ZNF780A: variants seen among roughly 807,000 people sequenced by gnomAD.
ZNF780A encodes the protein zinc finger protein 780A.
Under a neutral mutation model 56.7 loss-of-function variants are expected in ZNF780A, and 40 were observed. The ratio of observed to expected loss-of-function variants is 0.71; its 90% confidence interval spans 0.55 to 0.92. The LOEUF is 0.92. Ranked by LOEUF, ZNF780A falls within the 40% of genes least tolerant of loss-of-function variation. ZNF780A has a pLI of 0.00. For missense variants in ZNF780A, 672 were observed against 783.3 expected, an observed-to-expected ratio of 0.86 and a Z score of 1.70; for synonymous variants, 231 against 248.3, an observed-to-expected ratio of 0.93 and a Z score of 0.66.
chr19:40,084,687 C>G (rs12151029), intron 3 of ZNF780A, 58 bp downstream of exon 3: 15,704 of 1,500,000 alleles, frequency 0.01, 120 homozygotes, highest in Non-Finnish European at 0.013. Context: ...TAAATAATAA[C>G]AGTCACCTAA....
intron 2 of ZNF780A, among the ~76,000 whole-genome samples, chr19:40,089,715 C>T (rs978736418): frequency 2.0e-5 from 3 of 152,052 alleles, no homozygotes; most frequent in Non-Finnish European, 4.4e-5. Context: ...TTACAAATAT[C>T]ATCTCATGGA....
rs1183448794 is a variant in ZNF780A at position 40,075,057 on chromosome 19, T to C, written c.1385A>G (p.Glu462Gly). 2 of 1,614,132 alleles carry C rather than the reference T, an allele frequency of 1.2e-6. No individual in the cohort carries two copies. The highest frequency in any genetic ancestry group is 2.2e-5 in the South Asian group (2 of 91,084). ...GTCACCAGTATGAATTCGAGAATGT[T>C]CAATAAGTTGGCAATGATATCTAAA... ...MAFRYHCQLI[E>G]HSRIHTGDKP... The change falls in exon 6 of 6, where the codon GAA becomes GGA. Residue 462 changes from glutamate to glycine, a missense_variant. Glu to Gly is a moderately conservative substitution (Grantham distance 98). Transcript: ENST00000683561.
chr19:40,085,109 C>A, intron 2 of ZNF780A: 2 of 977,084 alleles, frequency 2.0e-6, no homozygotes, highest in Non-Finnish European at 2.4e-6. Context: ...GGATACCTAT[C>A]TTGGCCTAGG....
At chr19:40,072,949 T>C (rs1177310833), downstream of ZNF780A, 2 of 1,546,880 alleles carry the variant, frequency 1.3e-6, no homozygotes, top group East Asian at 2.5e-5. Context: ...TGAATAGCTG[T>C]AAAAGATGGT....
Position 40,074,487 on chromosome 19 carries a change from G to A in ZNF780A, c.*29C>T, listed in dbSNP as rs371444051. ...TGATGTTGAACATGGTTTGAGACACGATTAAAGGACTTTCCACATTCCTTA... is the reference window on the plus strand; with the variant it reads ...TGATGTTGAACATGGTTTGAGACACAATTAAAGGACTTTCCACATTCCTTA... On this transcript the variant is annotated 3_prime_UTR_variant, in exon 6 of 6. Transcript: ENST00000683561. The A allele has an allele frequency of 9.2e-5, 148 of 1,610,328 alleles. No individual in the cohort carries two copies. Among genetic ancestry groups the A allele is most frequent in the South Asian group, 5.5e-4 (50 of 90,476 alleles).
At position 40,089,161 on chromosome 19, in the gene ZNF780A, G is replaced by A. The variant is rs1042910716; in HGVS notation, c.-46+1005C>T. On this transcript the variant is annotated intron_variant, in intron 2 of 5. Coordinates refer to ENST00000683561, the MANE Select transcript of ZNF780A (RefSeq NM_001142578.2). Reference sequence around the variant, plus strand: ...ATTCTGTAGTCTTGAAAAATGCTAGGAGGGTGGATATTAAGTGTTCTCACC... The same window carrying A: ...ATTCTGTAGTCTTGAAAAATGCTAGAAGGGTGGATATTAAGTGTTCTCACC... 20 of 1,148,558 alleles carry A rather than the reference G, an allele frequency of 1.7e-5. No individual in the cohort carries two copies. The African/African-American group carries it at 2.3e-4, about 13-fold the overall frequency. The allele number at this position is 1,148,558 out of a possible 1,614,324, so 71.1% of individuals were successfully genotyped here. A position where few individuals can be genotyped will look rare whatever the true frequency, so the allele number is the denominator to read the frequency against.
chr19:40,070,715 T>C (rs1307661130), downstream of ZNF780A: 1 of 152,232 alleles, frequency 6.6e-6, no homozygotes, highest in East Asian at 1.9e-4. Context: ...CTTTAGCAAA[T>C]ATTTTAAAGT....
chr19:40,075,900 A>G lies in ZNF780A; in HGVS notation c.542T>C (p.Ile181Thr), dbSNP rs753469862. 2.5e-6 allele frequency: 4 copies of G among 1,614,022 alleles called. No homozygotes were observed. The Admixed American group carries it at 6.7e-5, about 27-fold the overall frequency. ...TCCAGTATGAATACTCTGATGCTGA[A>G]TAAGATTTGCACTACGACTAAAGTA... ...GKYFSRSANLIQHQSIHTGEK... is the reference protein window; with the variant it reads ...GKYFSRSANLTQHQSIHTGEK... The change falls in exon 6 of 6, where the codon ATT (isoleucine) becomes ACT (threonine). Residue 181 changes from isoleucine (I) to threonine (T), a missense_variant. Coordinates refer to ENST00000683561, the MANE Select transcript of ZNF780A (RefSeq NM_001142578.2).
At position 40,086,275 on chromosome 19, in the gene ZNF780A, T is replaced by C. The variant is rs189952276; in HGVS notation, c.-45-1477A>G. ...ATCTCTAGAAAAAATTGTCTACAAG[T>C]CCCCAACCAATGTCTTGTATGCATT... On this transcript the variant is annotated intron_variant, in intron 2 of 5. Transcript: ENST00000683561. Among the ~76,000 whole-genome samples the C allele has an allele frequency of 4.7e-3, 714 of 152,042 alleles. 5 individuals carry two copies. The highest frequency in any genetic ancestry group is 0.016 in the African/African-American group (679 of 41,436).
intron 5 of ZNF780A, 141 bp downstream of exon 5, chr19:40,081,678 C>T (rs1974487065): frequency 7.8e-6 from 5 of 637,022 alleles, no homozygotes; most frequent in African/African-American, 1.9e-5. Flanking sequence ...TATTTCCTTC[C>T]CAGGTCTTGG....
Position 40,073,634 on chromosome 19 carries a change from T to C in ZNF780A, c.*882A>G. 1 of 985,992 alleles carries C rather than the reference T, an allele frequency of 1.0e-6. No individual in the cohort carries two copies. Among genetic ancestry groups the C allele is most frequent in the Non-Finnish European group, 1.2e-6 (1 of 830,376 alleles). The allele number at this position is 985,992 out of a possible 1,614,324, so 61.1% of individuals were successfully genotyped here. On this transcript the variant is annotated 3_prime_UTR_variant, in exon 6 of 6. Coordinates refer to ENST00000683561, the MANE Select transcript of ZNF780A (RefSeq NM_001142578.2). ...CACAAGAATTATCTTCTCCGAACTC[T>C]AAGGTATTTAGTGTGGCTATAAAAC...
chr19:40,084,578 AG>A (rs1217390909), intron 3 of ZNF780A, among the ~76,000 whole-genome samples, 166 bp downstream of exon 3: 1 of 152,124 alleles, frequency 6.6e-6, no homozygotes, highest in Non-Finnish European at 1.5e-5. Context: ...AGGTACAAAT[AG>A]GAAGAGCAGT....
chr19:40,088,576 G>A (rs1974950938), intron 2 of ZNF780A, among the ~76,000 whole-genome samples: 1 of 152,166 alleles, frequency 6.6e-6, no homozygotes, highest in Admixed American at 6.6e-5. Context: ...AGCCATTATG[G>A]AAAACAGTAT....
rs551340499 is a variant in ZNF780A, at chr19:40,081,864, C to G, written c.187G>C (p.Glu63Gln). ...TCTTTCCTTACAACCATCCAGGGCT[C>G]TTTCTCTTGCTCTAGTAACGTAATT... The part of the protein sequence containing the change: ...DVITLLEQEK[E>Q]PWMVVRKETS... Residue 63 changes from glutamate to glutamine, a missense_variant, in exon 5 of 6, where the codon GAG (glutamate) becomes CAG (glutamine). Transcript: ENST00000683561. 308 of 1,612,890 alleles carry G rather than the reference C, an allele frequency of 1.9e-4. 4 individuals carry two copies. In the South Asian group the frequency reaches 3.3e-3, roughly 17 times the overall value.
rs547966465 is a variant in ZNF780A, at chr19:40,084,046, C to T, written c.9+699G>A. ...TCCTGTGCAGCTGGGATTACAGGTGCGCACCACCACAACAGGCTAATTTTT... is the reference window on the plus strand; with the variant it reads ...TCCTGTGCAGCTGGGATTACAGGTGTGCACCACCACAACAGGCTAATTTTT... On this transcript the variant is annotated intron_variant, in intron 3 of 5. Transcript: ENST00000683561. Among the ~76,000 whole-genome samples the T allele has an allele frequency of 2.2e-4, 34 of 151,856 alleles. 1 individual carries two copies. In the East Asian group the frequency reaches 2.7e-3, roughly 12 times the overall value.
chr19:40,085,422 G>T (rs535787448), intron 2 of ZNF780A: 1 of 871,132 alleles, frequency 1.1e-6, no homozygotes, highest in Non-Finnish European at 1.4e-6. Flanking sequence ...AGAAAAATCA[G>T]GTTACAAAAC....
At position 40,074,715 on chromosome 19, in the gene ZNF780A, TG is replaced by T; in HGVS notation, c.1726del (p.Gln576ArgfsTer162). The T allele has an allele frequency of 6.2e-7, 1 of 1,614,130 alleles. No individual in the cohort carries two copies. Among genetic ancestry groups the T allele is most frequent in the Non-Finnish European group, 8.5e-7 (1 of 1,180,008 alleles). On this transcript the variant is annotated frameshift_variant, in exon 6 of 6. Coordinates refer to ENST00000683561, the MANE Select transcript of ZNF780A (RefSeq NM_001142578.2). LOFTEE classifies it high-confidence loss of function. ...GGGTTTCTCACCAGTATGCAATTTC[TG>T]ATGTCGAATAAGGTGCATATGAAGT... ...FRLHMHLIRH[Q>X]KLHTGEKPFE...
intron 5 of ZNF780A, among the ~76,000 whole-genome samples, chr19:40,078,709 G>C (rs1319209973): frequency 2.0e-5 from 3 of 152,118 alleles, no homozygotes; most frequent in Non-Finnish European, 4.4e-5. Context: ...AAATGAAGAA[G>C]AAATAATCTT....
At chr19:40,082,691 G>A (rs555393899) in intron 4 of ZNF780A, among the ~76,000 whole-genome samples, 1 of 152,278 alleles carries the variant, frequency 6.6e-6, no homozygotes, top group Middle Eastern at 3.4e-3. Flanking sequence ...AGTGATCATA[G>A]AGGTTTCTCT....
Sources: allele counts gnomAD v4.1 joint callset (sites outside exome capture counted in the v4.1 genomes callset), GRCh38; gene constraint gnomAD v4.1.1; transcripts MANE v1.5; gene names NCBI Gene and HGNC (gene_info 2026-07-23, HGNC 2026-07-21).